Variants in RPTOR observed in about 807,000 individuals in gnomAD.
RPTOR encodes the protein regulatory-associated protein of mTOR.
Under a neutral mutation model 169.9 loss-of-function variants are expected in RPTOR, and 21 were observed. The ratio of observed to expected loss-of-function variants is 0.12; its 90% confidence interval spans 0.09 to 0.18. The LOEUF (loss-of-function observed/expected upper bound fraction) is 0.18, where lower values mean the gene tolerates loss of function less well. Among genes scored for constraint, RPTOR ranks in the 10% least tolerant of loss-of-function variants. The pLI, the probability that RPTOR is intolerant of heterozygous loss-of-function variation, is 1.00. For missense variants in RPTOR, 1,133 were observed against 1,855.9 expected, an observed-to-expected ratio of 0.61 and a Z score of 7.16; for synonymous variants, 732 against 753.2, an observed-to-expected ratio of 0.97 and a Z score of 0.46.
In RPTOR at chr17:80,959,186, C is replaced by T. The variant is rs145770375; in HGVS notation, c.3478-892C>T. 6.6e-3 allele frequency among the ~76,000 whole-genome samples: 1,010 copies of T among 152,346 alleles called. 8 individuals carry two copies. The highest frequency in any genetic ancestry group is 8.4e-3 in the Non-Finnish European group (570 of 68,036). On this transcript the variant is annotated intron_variant, in intron 29 of 33. Transcript: ENST00000306801. The surrounding 1 kb of genome is among the most constrained non-coding windows in gnomAD (Gnocchi z 6.7). Reference sequence around the variant, plus strand: ...CCCTCTGACGTGACCGTGGATCCCTCGAGGCACCAGCAGCTTTCATGGCAC... The same window carrying T: ...CCCTCTGACGTGACCGTGGATCCCTTGAGGCACCAGCAGCTTTCATGGCAC...
At chr17:80,916,318 C>G (rs2068672811) in intron 21 of RPTOR, among the ~76,000 whole-genome samples, 1 of 152,316 alleles carries the variant, frequency 6.6e-6, no homozygotes, top group South Asian at 2.1e-4. Context: ...ACCACGTTCC[C>G]CAGTGCCAGA....
intron 25 of RPTOR, among the ~76,000 whole-genome samples, chr17:80,941,013 G>A (rs947650889): frequency 1.3e-5 from 2 of 152,302 alleles, no homozygotes; most frequent in Admixed American, 6.5e-5. Flanking sequence ...CTCCCCACCC[G>A]GACAGGTGTC....
chr17:80,954,369 G>A (rs921078298), intron 28 of RPTOR, among the ~76,000 whole-genome samples: 9 of 151,842 alleles, frequency 5.9e-5, no homozygotes, highest in South Asian at 2.1e-4. Flanking sequence ...TGATCCACCC[G>A]CCTCAGCCTC....
chr17:80,846,708 G>T (rs2067735042), intron 11 of RPTOR, 134 bp downstream of exon 11: 1 of 709,850 alleles, frequency 1.4e-6, no homozygotes, highest in Non-Finnish European at 2.4e-6. Flanking sequence ...CTGCCCCGAA[G>T]ATGATGGTGC....
intron 17 of RPTOR, among the ~76,000 whole-genome samples, chr17:80,886,768 C>T (rs911709525): frequency 1.3e-5 from 2 of 152,104 alleles, no homozygotes; most frequent in African/African-American, 4.8e-5. Context: ...ATGTGGCCCG[C>T]GAGGACACCG....
At position 80,633,435 on chromosome 17, in the gene RPTOR, C is replaced by T. The variant is rs144625404; in HGVS notation, c.265+7642C>T. On this transcript the variant is annotated intron_variant, in intron 2 of 33. Coordinates refer to ENST00000306801, the MANE Select transcript of RPTOR (RefSeq NM_020761.3). The surrounding 1 kb of genome is among the most constrained non-coding windows in gnomAD (Gnocchi z 4.1). ...GTCTGAAGCAGTTCCACAGGCATTC[C>T]GTGACCCTCCTCACCCTGGCGCTTG... Among the ~76,000 whole-genome samples, 1,215 of 152,324 alleles carry T rather than the reference C, an allele frequency of 8.0e-3. 5 individuals are homozygous for T. Among genetic ancestry groups the T allele is most frequent in the Non-Finnish European group, 0.012 (819 of 68,032 alleles).
intron 3 of RPTOR, among the ~76,000 whole-genome samples, chr17:80,673,285 A>C (rs778287797): frequency 2.6e-5 from 4 of 152,192 alleles, no homozygotes; most frequent in Non-Finnish European, 5.9e-5. Flanking sequence ...ATTAGGAAAC[A>C]AACAAGTCAG....
intron 5 of RPTOR, among the ~76,000 whole-genome samples, chr17:80,747,783 G>A (rs1008463972): frequency 6.6e-6 from 1 of 152,358 alleles, no homozygotes. Context: ...GTTCTCATGT[G>A]GCTCCTGTAC....
chr17:80,815,070 G>A (rs2067309834), intron 7 of RPTOR, among the ~76,000 whole-genome samples: 1 of 152,234 alleles, frequency 6.6e-6, no homozygotes, highest in South Asian at 2.1e-4. Context: ...AAGATGGGGA[G>A]GAACAGAAAA....
At chr17:80,846,796 A>C (rs2067736340) in intron 11 of RPTOR, among the ~76,000 whole-genome samples, 1 of 152,226 alleles carries the variant, frequency 6.6e-6, no homozygotes, top group South Asian at 2.1e-4. Flanking sequence ...ATTCATTCCT[A>C]AAGGGTTTCC....
At chr17:80,712,857 A>G (rs1475509981) in intron 4 of RPTOR, among the ~76,000 whole-genome samples, 2 of 152,282 alleles carry the variant, frequency 1.3e-5, no homozygotes, top group Non-Finnish European at 2.9e-5. Flanking sequence ...GATTTTAGCC[A>G]TTCTGGTGGG....
At chr17:80,703,091 T>C (rs1366893028) in intron 3 of RPTOR, among the ~76,000 whole-genome samples, 1 of 152,086 alleles carries the variant, frequency 6.6e-6, no homozygotes, top group African/African-American at 2.4e-5. Context: ...CCGTGGCTTG[T>C]TCTTATTTTG....
At chr17:80,943,190 C>T (rs772227461) in intron 25 of RPTOR, among the ~76,000 whole-genome samples, 3 of 152,206 alleles carry the variant, frequency 2.0e-5, no homozygotes, top group African/African-American at 4.8e-5. Context: ...CAGGCACAAG[C>T]GGAGGGGCTG....
At chr17:80,837,845 C>T in intron 9 of RPTOR, 77 bp from the exon 10 acceptor site, 1 of 1,386,834 alleles carries the variant, frequency 7.2e-7, no homozygotes, top group East Asian at 2.4e-5. Flanking sequence ...CAGCCGGCTC[C>T]TCCTGTGCCC....
intron 1 of RPTOR, among the ~76,000 whole-genome samples, chr17:80,582,420 T>C (rs2065021978): frequency 6.6e-6 from 1 of 152,164 alleles, no homozygotes; most frequent in African/African-American, 2.4e-5. Flanking sequence ...CCCTGAACAA[T>C]TGGACTGTGT....
At chr17:80,791,824 A>G (rs2067051612) in intron 7 of RPTOR, among the ~76,000 whole-genome samples, 3 of 152,234 alleles carry the variant, frequency 2.0e-5, no homozygotes, top group African/African-American at 7.2e-5. Context: ...TTCTGCTGCC[A>G]CTGAAATGAT....
At chr17:80,689,433 T>TG (rs2065973003) in intron 3 of RPTOR, among the ~76,000 whole-genome samples, 2 of 152,234 alleles carry the variant, frequency 1.3e-5, no homozygotes, top group South Asian at 4.1e-4. Flanking sequence ...CTGCTGAGTG[T>TG]GGGCAGTGAG....
intron 14 of RPTOR, among the ~76,000 whole-genome samples, chr17:80,883,071 CAG>C (rs2068203616): frequency 6.6e-6 from 1 of 152,204 alleles, no homozygotes; most frequent in African/African-American, 2.4e-5. Context: ...CGTGTGCTCA[CAG>C]AGTGCTGGGC....
At chr17:80,929,907 C>T (rs2144003893) in intron 24 of RPTOR, among the ~76,000 whole-genome samples, 1 of 152,268 alleles carries the variant, frequency 6.6e-6, no homozygotes, top group Non-Finnish European at 1.5e-5. Context: ...GAGAATGACA[C>T]TCTGTGTGAC....
Sources: allele counts gnomAD v4.1 joint callset (sites outside exome capture counted in the v4.1 genomes callset), GRCh38; gene constraint gnomAD v4.1.1; non-coding constraint Gnocchi (gnomAD v3.1); transcripts MANE v1.5; gene names NCBI Gene and HGNC (gene_info 2026-07-23, HGNC 2026-07-21).